The following BRINP2 variants were observed in gnomAD, a reference collection of about 807,000 sequenced individuals.
BRINP2 encodes the protein BMP/retinoic acid-inducible neural-specific protein 2.
BRINP2 carries 21 observed loss-of-function variants against 69.2 expected under a neutral mutation model. That is an observed-to-expected ratio of 0.30 (90% CI 0.22 to 0.44). BRINP2 has a LOEUF of 0.44. BRINP2 is among the 20% of genes least tolerant of loss of function. The probability of loss-of-function intolerance (pLI) is 1.00; values close to 1 mark genes in which losing one functional copy is unlikely to be tolerated. For synonymous variants in BRINP2, 380 were observed against 394.1 expected, an observed-to-expected ratio of 0.96 and a Z score of 0.42; for missense variants, 877 against 986.0, an observed-to-expected ratio of 0.89 and a Z score of 1.48.
Position 177,256,019 on chromosome 1 carries a change from C to T in BRINP2, c.370C>T (p.Leu124Phe). The change falls in exon 3 of 8, where the codon CTC becomes TTC. Residue 124 changes from leucine (L) to phenylalanine (F), a missense_variant. Leu to Phe is a conservative substitution (Grantham distance 22). Coordinates refer to ENST00000361539, the MANE Select transcript of BRINP2 (RefSeq NM_021165.4). ...LAPEFIRNIR[L>F]LGRRPNLQQV... ...CCCAGAGTTTATCCGGAACATTCGCCTCCTTGGAAGGAGACCCAATCTGCA... is the reference window on the plus strand; with the variant it reads ...CCCAGAGTTTATCCGGAACATTCGCTTCCTTGGAAGGAGACCCAATCTGCA... The T allele has an allele frequency of 1.2e-6, 2 of 1,614,186 alleles. No homozygotes were observed. Among genetic ancestry groups the T allele is most frequent in the South Asian group, 2.2e-5 (2 of 91,078 alleles).
At chr1:177,226,847 A>G (rs1007367313) in intron 1 of BRINP2, among the ~76,000 whole-genome samples, 2 of 152,010 alleles carry the variant, frequency 1.3e-5, no homozygotes, top group Admixed American at 1.3e-4. Context: ...GCCCATCTAT[A>G]ATTCATAGCC....
chr1:177,224,100 T>C (rs1037834060), intron 1 of BRINP2, among the ~76,000 whole-genome samples: 35 of 152,182 alleles, frequency 2.3e-4, no homozygotes, highest in African/African-American at 8.0e-4. Context: ...TGTCCTGTCA[T>C]CTCTCCTATC....
chr1:177,257,165 G>A lies in BRINP2; in HGVS notation c.461-11G>A, dbSNP rs745594287. 13 of 1,613,664 alleles carry A rather than the reference G, an allele frequency of 8.1e-6. No individual in the cohort carries two copies. In the East Asian group the frequency reaches 2.2e-4, roughly 28 times the overall value. Reference sequence around the variant, plus strand: ...AGAGCGTCACCAATACACTCGTGTTGTTCACCATAGGAGAAGAGTCCCTGA... The same window carrying A: ...AGAGCGTCACCAATACACTCGTGTTATTCACCATAGGAGAAGAGTCCCTGA... On this transcript the variant is annotated splice_polypyrimidine_tract_variant and intron_variant, in intron 3 of 7. Transcript: ENST00000361539.
Position 177,281,507 on chromosome 1 carries a change from G to A in BRINP2, c.2331G>A (p.Glu777=). 1 of 1,607,188 alleles carries A rather than the reference G, an allele frequency of 6.2e-7. No homozygotes were observed. Among genetic ancestry groups the A allele is most frequent in the Non-Finnish European group, 8.5e-7 (1 of 1,178,938 alleles). Residue 777 remains glutamate, a synonymous_variant, in exon 8 of 8, where the codon GAG becomes GAA. Transcript: ENST00000361539. ...NSKLPNPVEY[E]TGKLCS is the part of the protein sequence containing the mutation. ...AGCTGCCAAACCCTGTGGAATATGAGACCGGCAAACTCTGTAGCTAATGGG... is the reference window on the plus strand; with the variant it reads ...AGCTGCCAAACCCTGTGGAATATGAAACCGGCAAACTCTGTAGCTAATGGG...
chr1:177,197,399 G>A (rs569638786), intron 1 of BRINP2, among the ~76,000 whole-genome samples: 9 of 152,064 alleles, frequency 5.9e-5, no homozygotes, highest in Non-Finnish European at 1.0e-4. Flanking sequence ...TCCCAACCAG[G>A]CCCCACCTCC....
intron 2 of BRINP2, among the ~76,000 whole-genome samples, chr1:177,246,072 A>G (rs982538168): frequency 2.0e-5 from 3 of 152,286 alleles, no homozygotes; most frequent in Admixed American, 6.5e-5. Context: ...CAGTGAAAAG[A>G]TGGAGAGCAC....
intron 1 of BRINP2, among the ~76,000 whole-genome samples, chr1:177,222,868 G>A (rs1649579260): frequency 6.6e-6 from 1 of 152,128 alleles, no homozygotes; most frequent in Non-Finnish European, 1.5e-5. Context: ...GAAGTGGAAG[G>A]CAGATTGGTT....
chr1:177,229,750 C>T, intron 1 of BRINP2, 51 bp from the exon 2 acceptor site: 1 of 1,309,166 alleles, frequency 7.6e-7, no homozygotes. Flanking sequence ...TGCTCACAGG[C>T]CCATGGGGTA....
chr1:177,239,934 G>A (rs1558172264), intron 2 of BRINP2, among the ~76,000 whole-genome samples: 1 of 152,180 alleles, frequency 6.6e-6, no homozygotes. Context: ...GCTCTCCTCT[G>A]AGCCCAGAAG....
At chr1:177,227,896 T>A (rs984649005) in intron 1 of BRINP2, among the ~76,000 whole-genome samples, 7 of 152,240 alleles carry the variant, frequency 4.6e-5, no homozygotes, top group African/African-American at 1.7e-4. Context: ...TGGAATTTTA[T>A]CATGTTTGAA....
intron 1 of BRINP2, among the ~76,000 whole-genome samples, chr1:177,223,485 C>T (rs1434648269): frequency 5.9e-5 from 9 of 152,138 alleles, no homozygotes; most frequent in African/African-American, 1.9e-4. Context: ...TGTGCATAGA[C>T]ATTACTTAAT....
chr1:177,278,404 G>C (rs531372676), intron 6 of BRINP2, among the ~76,000 whole-genome samples, 159 bp from the exon 7 acceptor site: 1 of 148,786 alleles, frequency 6.7e-6, no homozygotes, highest in East Asian at 1.9e-4. Flanking sequence ...CTCAATAAAG[G>C]TGTTGATTTT....
chr1:177,180,423 A>C (rs537743633), intron 1 of BRINP2, among the ~76,000 whole-genome samples: 2 of 152,294 alleles, frequency 1.3e-5, no homozygotes, highest in African/African-American at 4.8e-5. Flanking sequence ...CCACCTAGTA[A>C]AATGGATATT....
chr1:177,230,517 G>T (rs1649835579), intron 2 of BRINP2, among the ~76,000 whole-genome samples: 1 of 152,216 alleles, frequency 6.6e-6, no homozygotes, highest in Non-Finnish European at 1.5e-5. Context: ...TAATGGGTTA[G>T]TTAATTTCAT....
At chr1:177,256,785 AGGAG>A in intron 3 of BRINP2, 1 of 1,128,908 alleles carries the variant, frequency 8.9e-7, no homozygotes, top group Middle Eastern at 4.1e-4. Context: ...TTTGATGGGG[AGGAG>A]GGAGATGCCC....
rs1558180065 is a variant in BRINP2, at chr1:177,257,258, G to A, written c.543G>A (p.Gly181=). 1.2e-6 allele frequency: 2 copies of A among 1,614,076 alleles called. No homozygotes were observed. Among genetic ancestry groups the A allele is most frequent in the Non-Finnish European group, 8.5e-7 (1 of 1,180,014 alleles). The change falls in exon 4 of 8, where the codon GGG becomes GGA. Residue 181 remains glycine (G), a synonymous_variant. Transcript: ENST00000361539. ...CAACAGGAGGTGCCTCTATAATCGGGGGCAGTGGGAACAGCACAGCTGTGT... is the reference window on the plus strand; with the variant it reads ...CAACAGGAGGTGCCTCTATAATCGGAGGCAGTGGGAACAGCACAGCTGTGT... ...TETTGGASII[G]GSGNSTAVSL... is the part of the protein sequence containing the mutation.
At chr1:177,202,920 A>C (rs1393666208) in intron 1 of BRINP2, among the ~76,000 whole-genome samples, 1 of 152,156 alleles carries the variant, frequency 6.6e-6, no homozygotes, top group Non-Finnish European at 1.5e-5. Context: ...TCGGTGTGGC[A>C]ATTCCTCAGG....
At chr1:177,215,622 A>C (rs531001429) in intron 1 of BRINP2, among the ~76,000 whole-genome samples, 2 of 152,284 alleles carry the variant, frequency 1.3e-5, no homozygotes, top group African/African-American at 4.8e-5. Flanking sequence ...ATAGATAATC[A>C]TATCATTAGC....
chr1:177,274,676 G>T (rs1335590669), intron 5 of BRINP2, among the ~76,000 whole-genome samples: 1 of 152,136 alleles, frequency 6.6e-6, no homozygotes, highest in Admixed American at 6.5e-5. Flanking sequence ...ATTTGTCGGG[G>T]CACTGATTTT....
Sources: gnomAD v4.1 joint callset for allele counts (sites outside exome capture counted in the v4.1 genomes callset) on GRCh38, gnomAD v4.1.1 for gene constraint, MANE v1.5 for transcripts, NCBI Gene and HGNC (gene_info 2026-07-23, HGNC 2026-07-21) for gene names.